The following ZNF710 variants were observed in gnomAD, a reference collection of about 807,000 sequenced individuals.
ZNF710 encodes the protein zinc finger protein 710.
In ZNF710, 13 loss-of-function variants were observed where a neutral mutation model predicts 50.6. The observed-to-expected ratio is 0.26, with a 90% CI of 0.17 to 0.41. The LOEUF (loss-of-function observed/expected upper bound fraction) is 0.41. ZNF710 is among the 10% of genes least tolerant of loss of function. The pLI is 1.00. For synonymous variants in ZNF710, 383 were observed against 397.0 expected, an observed-to-expected ratio of 0.96 and a Z score of 0.42; for missense variants, 721 against 936.6, an observed-to-expected ratio of 0.77 and a Z score of 3.01.
At chr15:90,027,756 G>A (rs1340067296) in intron 1 of ZNF710, among the ~76,000 whole-genome samples, 1 of 151,420 alleles carries the variant, frequency 6.6e-6, no homozygotes, top group Admixed American at 6.6e-5. Flanking sequence ...GAAGGCTGAG[G>A]CATGAGAATC....
At chr15:90,056,257 A>G (rs1899813433) in intron 1 of ZNF710, among the ~76,000 whole-genome samples, 1 of 151,878 alleles carries the variant, frequency 6.6e-6, no homozygotes, top group African/African-American at 2.4e-5. Context: ...TAAAGATACA[A>G]AAAAAATTAG....
intron 1 of ZNF710, among the ~76,000 whole-genome samples, chr15:90,011,233 C>T (rs1596263880): frequency 6.6e-6 from 1 of 152,040 alleles, no homozygotes; most frequent in Non-Finnish European, 1.5e-5. Flanking sequence ...CCCGGCCTAG[C>T]CTCCTGAGTA....
rs1366838024 is a variant in ZNF710 at position 90,034,229 on chromosome 15, A to AAAG, written c.-29+32617_-29+32618insGAA. Among the ~76,000 whole-genome samples the AAAG allele has an allele frequency of 4.0e-5, 6 of 151,802 alleles. No individual in the cohort carries two copies. The East Asian group carries it at 9.6e-4, about 24-fold the overall frequency. On this transcript the variant is annotated intron_variant, in intron 1 of 4. Coordinates refer to ENST00000268154, the MANE Select transcript of ZNF710 (RefSeq NM_198526.4). This position sits in a 1 kb window ranked among gnomAD's most constrained non-coding sequence, Gnocchi z 4.0. The stretch of plus-strand genomic sequence containing the variant: ...AAAGAAAAGAAAAGAAAAGAAAAGA[A>AAAG]AACAGGTGAACGACAGTCACTCCTG...
At chr15:90,039,473 G>A (rs1899234122) in intron 1 of ZNF710, among the ~76,000 whole-genome samples, 1 of 152,164 alleles carries the variant, frequency 6.6e-6, no homozygotes, top group Non-Finnish European at 1.5e-5. Context: ...TGACAGCTGG[G>A]AGTCTTGCCC....
upstream of ZNF710, among the ~76,000 whole-genome samples, chr15:89,998,465 G>A (rs1343963597): frequency 2.0e-5 from 3 of 152,164 alleles, no homozygotes; most frequent in Admixed American, 2.0e-4. Flanking sequence ...CATCTTGATC[G>A]GATGTGGTGT....
In ZNF710 at chr15:90,040,962, T is replaced by C. The variant is rs934967086; in HGVS notation, c.-28-26148T>C. Among the ~76,000 whole-genome samples the C allele has an allele frequency of 6.6e-6, 1 of 152,238 alleles. No homozygotes were observed. Among genetic ancestry groups the C allele is most frequent in the African/African-American group, 2.4e-5 (1 of 41,460 alleles). On this transcript the variant is annotated intron_variant, in intron 1 of 4. Coordinates refer to ENST00000268154, the MANE Select transcript of ZNF710 (RefSeq NM_198526.4). The surrounding 1 kb of genome is among the most constrained non-coding windows in gnomAD (Gnocchi z 4.6). ...TGGGTTAAGCCCACAGTATAAATACTATTCACTGCTAAACATGGCACTGAA... is the reference window on the plus strand; with the variant it reads ...TGGGTTAAGCCCACAGTATAAATACCATTCACTGCTAAACATGGCACTGAA...
At chr15:90,031,361 C>T (rs947939237) in intron 1 of ZNF710, among the ~76,000 whole-genome samples, 7 of 152,252 alleles carry the variant, frequency 4.6e-5, no homozygotes, top group Admixed American at 2.0e-4. Context: ...TTAATGGAAA[C>T]GAAGTATCTC....
At chr15:90,038,721 G>GTC (rs1899206159) in intron 1 of ZNF710, among the ~76,000 whole-genome samples, 1 of 146,504 alleles carries the variant, frequency 6.8e-6, no homozygotes, top group South Asian at 2.1e-4. Context: ...GTGTGTGTGT[G>GTC]TGTGTGTGTG....
chr15:90,078,065 G>A (rs1036624011), intron 4 of ZNF710, among the ~76,000 whole-genome samples: 1 of 152,024 alleles, frequency 6.6e-6, no homozygotes, highest in Non-Finnish European at 1.5e-5. Context: ...AAAAAAATTA[G>A]CCGGGTATGG....
At chr15:90,014,593 TAAAAC>T (rs1898400760) in intron 1 of ZNF710, among the ~76,000 whole-genome samples, 1 of 151,760 alleles carries the variant, frequency 6.6e-6, no homozygotes, top group East Asian at 1.9e-4. Flanking sequence ...ACGAACACAT[TAAAAC>T]AAAATAAATT....
At chr15:90,057,690 AAATAATAAT>A (rs71151550) in intron 1 of ZNF710, among the ~76,000 whole-genome samples, 129 of 139,522 alleles carry the variant, frequency 9.2e-4, no homozygotes, top group Non-Finnish European at 1.3e-3. Context: ...GAGCAAGACT[AAATAATAAT>A]AATAATAATA....
At chr15:90,014,488 G>C (rs908302889) in intron 1 of ZNF710, among the ~76,000 whole-genome samples, 1 of 147,888 alleles carries the variant, frequency 6.8e-6, no homozygotes, top group African/African-American at 2.5e-5. Flanking sequence ...TCCAGTCTGG[G>C]AAACATAGTG....
chr15:90,015,773 G>A (rs1223227174), intron 1 of ZNF710, among the ~76,000 whole-genome samples: 1 of 151,914 alleles, frequency 6.6e-6, no homozygotes. Context: ...AACCCACCCA[G>A]CTAATTTTTA....
Position 90,059,448 on chromosome 15 carries a change from C to G in ZNF710, c.-28-7662C>G, listed in dbSNP as rs1899934457. 6.6e-6 allele frequency among the ~76,000 whole-genome samples: 1 copy of G among 152,232 alleles called. No individual in the cohort carries two copies. Among genetic ancestry groups the G allele is most frequent in the Non-Finnish European group, 1.5e-5 (1 of 68,040 alleles). ...CCTTCCCCTCCCTGGGCCTCAGTTT[C>G]CTCATCTGTTAACAGGGCCGGGTAT... On this transcript the variant is annotated intron_variant, in intron 1 of 4. Coordinates refer to ENST00000268154, the MANE Select transcript of ZNF710 (RefSeq NM_198526.4). The surrounding 1 kb of genome is among the most constrained non-coding windows in gnomAD (Gnocchi z 4.1).
intron 1 of ZNF710, among the ~76,000 whole-genome samples, chr15:90,038,994 T>C (rs1443985180): frequency 2.0e-5 from 3 of 152,116 alleles, no homozygotes; most frequent in Non-Finnish European, 4.4e-5. Flanking sequence ...ATAAAATGCT[T>C]CCTGCCAGGT....
rs577394697 is a variant in ZNF710 at position 90,062,285 on chromosome 15, C to G, written c.-28-4825C>G. ...TCCCAGCACAACTACAATCAGGCAGCTCATCTGTGTCTATTTCCCCGCCTT... is the reference window on the plus strand; with the variant it reads ...TCCCAGCACAACTACAATCAGGCAGGTCATCTGTGTCTATTTCCCCGCCTT... On this transcript the variant is annotated intron_variant, in intron 1 of 4. Transcript: ENST00000268154. This position sits in a 1 kb window ranked among gnomAD's most constrained non-coding sequence, Gnocchi z 5.6. 1.3e-5 allele frequency among the ~76,000 whole-genome samples: 2 copies of G among 152,148 alleles called. No homozygotes were observed. The highest frequency in any genetic ancestry group is 1.9e-4 in the East Asian group (1 of 5,168).
intron 1 of ZNF710, among the ~76,000 whole-genome samples, chr15:90,051,922 G>T (rs1480389612): frequency 1.3e-5 from 2 of 152,166 alleles, no homozygotes; most frequent in Admixed American, 1.3e-4. Flanking sequence ...TTGCCTGAGG[G>T]TGTACAGCTC....
At chr15:90,043,624 A>G (rs1162608028) in intron 1 of ZNF710, among the ~76,000 whole-genome samples, 1 of 152,210 alleles carries the variant, frequency 6.6e-6, no homozygotes, top group Non-Finnish European at 1.5e-5. Flanking sequence ...GGAGAGAAGG[A>G]GAAAAGAAGA....
Position 90,067,525 on chromosome 15 carries a change from G to A in ZNF710, c.388G>A (p.Asp130Asn), listed in dbSNP as rs201309182. The A allele has an allele frequency of 1.5e-5, 24 of 1,613,356 alleles. No individual in the cohort carries two copies. The East Asian group carries it at 1.8e-4, about 12-fold the overall frequency. Residue 130 changes from aspartate (D) to asparagine (N), a missense_variant, in exon 2 of 5, where the codon GAC becomes AAC. This residue lies in a region of ZNF710 where 326 missense variants were observed against 347.1 expected (regional missense o/e 0.94). Coordinates refer to ENST00000268154, the MANE Select transcript of ZNF710 (RefSeq NM_198526.4). The surrounding 1 kb of genome is among the most constrained non-coding windows in gnomAD (Gnocchi z 8.1). ...CTATGAGGTTTCTGTGCCAGGTGAC[G>A]ACAAGGACGCAGGGCCAGCAGAAGC... ...EVYEVSVPGD[D>N]KDAGPAEAPA...
Sources: allele counts gnomAD v4.1 joint callset (sites outside exome capture counted in the v4.1 genomes callset), GRCh38; gene constraint gnomAD v4.1.1; regional missense constraint gnomAD v4.1.1; non-coding constraint Gnocchi (gnomAD v3.1); transcripts MANE v1.5; gene names NCBI Gene and HGNC (gene_info 2026-07-23, HGNC 2026-07-21).